SLC22A14: variants seen among roughly 807,000 people sequenced by gnomAD.
SLC22A14 encodes solute carrier family 22 member 14.
In SLC22A14, 50 loss-of-function variants were observed where a neutral mutation model predicts 53.9. The ratio of observed to expected loss-of-function variants is 0.93; its 90% CI spans 0.74 to 1.17. The LOEUF (loss-of-function observed/expected upper bound fraction) is 1.17. Among genes scored for constraint, SLC22A14 ranks in the 50% most tolerant of loss-of-function variants. The probability of loss-of-function intolerance (pLI) is 0.00; values close to 1 mark genes in which losing one functional copy is unlikely to be tolerated. For synonymous variants in SLC22A14, 312 were observed against 303.0 expected, an observed-to-expected ratio of 1.03 and a Z score of -0.31; for missense variants, 671 against 734.7, an observed-to-expected ratio of 0.91 and a Z score of 1.00.
At chr3:38,317,203 G>T (rs1046907200) in intron 10 of SLC22A14, among the ~76,000 whole-genome samples, 1 of 152,330 alleles carries the variant, frequency 6.6e-6, no homozygotes. Context: ...CCTCTGCTCT[G>T]TGCCACAGCA....
At chr3:38,284,378 G>A (rs996391831) in intron 1 of SLC22A14, among the ~76,000 whole-genome samples, 5 of 152,292 alleles carry the variant, frequency 3.3e-5, no homozygotes, top group East Asian at 3.9e-4. Context: ...CTCCAGGGCC[G>A]GCCTAAGAGG....
chr3:38,300,017 C>T (rs930748810), intron 1 of SLC22A14, among the ~76,000 whole-genome samples: 4 of 152,166 alleles, frequency 2.6e-5, no homozygotes, highest in African/African-American at 4.8e-5. Context: ...AGTGTGTCTT[C>T]GGGATAAATT....
chr3:38,280,540 C>A (rs565779553), upstream of SLC22A14, among the ~76,000 whole-genome samples: 4 of 152,002 alleles, frequency 2.6e-5, no homozygotes, highest in African/African-American at 7.2e-5. Flanking sequence ...CAGAATGTTT[C>A]TTTAGCCTAT....
chr3:38,310,798 G>A (rs1704447890), intron 5 of SLC22A14, among the ~76,000 whole-genome samples: 1 of 152,062 alleles, frequency 6.6e-6, no homozygotes, highest in Admixed American at 6.6e-5. Flanking sequence ...CTTTAAGACA[G>A]CAGGGTCCAC....
Position 38,307,653 on chromosome 3 carries a change from G to A in SLC22A14, c.708G>A (p.Leu236=), listed in dbSNP as rs1474152372. 3 of 1,613,844 alleles carry A rather than the reference G, an allele frequency of 1.9e-6. No individual in the cohort carries two copies. Among genetic ancestry groups the A allele is most frequent in the African/African-American group, 1.3e-5 (1 of 74,892 alleles). Residue 236 remains leucine, a synonymous_variant, in exon 4 of 11, where the codon CTG becomes CTA. Coordinates refer to ENST00000448498, the MANE Select transcript of SLC22A14 (RefSeq NM_001320033.2). This position sits in a 1 kb window ranked among gnomAD's most constrained non-coding sequence, Gnocchi z 4.4. The part of the protein sequence containing the change: ...FGTAFMNSFH[L]YLFFRFGISQ... The stretch of plus-strand genomic sequence containing the variant: ...CAGCCTTCATGAACAGCTTTCACCT[G>A]TATTTGTTCTTTCGCTTTGGCATCT...
At position 38,315,697 on chromosome 3, in the gene SLC22A14, C is replaced by G; in HGVS notation, c.1518C>G (p.Leu506=). Residue 506 remains leucine (L), a synonymous_variant, in exon 9 of 11, where the codon CTC becomes CTG. Coordinates refer to ENST00000448498, the MANE Select transcript of SLC22A14 (RefSeq NM_001320033.2). ...TVFFLYTAEL[L]PTVLRATGLG... ...TCTTCCTCTACACCGCTGAGCTCCT[C>G]CCCACTGTGCTCAGGTATGGGGTCT... 1 of 1,613,740 alleles carries G rather than the reference C, an allele frequency of 6.2e-7. No homozygotes were observed. Among genetic ancestry groups the G allele is most frequent in the Non-Finnish European group, 8.5e-7 (1 of 1,179,948 alleles).
chr3:38,290,688 C>G (rs1302517034), intron 1 of SLC22A14, among the ~76,000 whole-genome samples: 4 of 152,208 alleles, frequency 2.6e-5, no homozygotes, highest in Non-Finnish European at 5.9e-5. Flanking sequence ...TCTTCGTTGG[C>G]TAGCCATCCT....
chr3:38,300,855 A>C (rs1413506340), intron 1 of SLC22A14, among the ~76,000 whole-genome samples: 3 of 152,142 alleles, frequency 2.0e-5, no homozygotes, highest in African/African-American at 7.2e-5. Flanking sequence ...CTCTTCTTAA[A>C]TATTTTTTTA....
chr3:38,284,547 G>T (rs1211768743), intron 1 of SLC22A14, among the ~76,000 whole-genome samples: 2 of 152,226 alleles, frequency 1.3e-5, no homozygotes, highest in Admixed American at 6.5e-5. Context: ...CTGGGAATGT[G>T]CAGGGATCTT....
chr3:38,303,178 C>A (rs1310788687), intron 1 of SLC22A14, among the ~76,000 whole-genome samples: 1 of 152,016 alleles, frequency 6.6e-6, no homozygotes, highest in African/African-American at 2.4e-5. Context: ...ATTCAAGGAA[C>A]TAATTTTGAA....
chr3:38,283,442 A>G (rs1703717955), intron 1 of SLC22A14, among the ~76,000 whole-genome samples: 1 of 152,036 alleles, frequency 6.6e-6, no homozygotes, highest in Admixed American at 6.6e-5. Flanking sequence ...CTGCTGAGAT[A>G]AGGGATCCCG....
Position 38,313,396 on chromosome 3 carries a change from G to A in SLC22A14, c.1074G>A (p.Leu358=), listed in dbSNP as rs369257841. The A allele has an allele frequency of 2.3e-5, 37 of 1,612,736 alleles. No homozygotes were observed. Among genetic ancestry groups the A allele is most frequent in the Non-Finnish European group, 2.9e-5 (34 of 1,179,012 alleles). Residue 358 remains leucine (L), a synonymous_variant, in exon 7 of 11, where the codon CTG becomes CTA. Coordinates refer to ENST00000448498, the MANE Select transcript of SLC22A14 (RefSeq NM_001320033.2). ...TCCTGCTTGTTCTGTAGCTGCAGCT[G>A]CCCAGAAAGAAGGTGACTCGGGCCT... ...IPSNLLDELQ[L]PRKKVTRASV... is the part of the protein sequence containing the mutation.
chr3:38,307,897 C>T lies in SLC22A14; in HGVS notation c.775+177C>T, dbSNP rs928632922. On this transcript the variant is annotated intron_variant, in intron 4 of 10. Transcript: ENST00000448498. The surrounding 1 kb of genome is among the most constrained non-coding windows in gnomAD (Gnocchi z 4.4). ...GGCAGCGTGGGCATCTGCTGGGATC[C>T]CACAGGACACAGAGTCAGGGGCCTA... is the stretch of plus-strand genomic sequence containing the variant. The T allele has an allele frequency of 7.6e-6, 5 of 656,084 alleles. No homozygotes were observed. Among genetic ancestry groups the T allele is most frequent in the African/African-American group, 7.3e-5 (4 of 55,024 alleles). 40.6% of individuals were successfully genotyped at this position (656,084 alleles called of 1,614,324 possible).
intron 10 of SLC22A14, 149 bp from the exon 11 acceptor site, chr3:38,318,049 C>A: frequency 1.5e-6 from 1 of 687,864 alleles, no homozygotes. Flanking sequence ...CTGGAGGCTC[C>A]TGGCAAAGCT....
At chr3:38,283,816 C>T (rs560414233) in intron 1 of SLC22A14, among the ~76,000 whole-genome samples, 20 of 152,158 alleles carry the variant, frequency 1.3e-4, no homozygotes, top group African/African-American at 4.8e-4. Flanking sequence ...GGTGACAGAC[C>T]GAGATTCTGT....
chr3:38,300,605 C>T (rs937644592), intron 1 of SLC22A14, among the ~76,000 whole-genome samples: 1 of 152,188 alleles, frequency 6.6e-6, no homozygotes, highest in African/African-American at 2.4e-5. Flanking sequence ...ACTCCCCCAA[C>T]AATGAACTGC....
intron 1 of SLC22A14, among the ~76,000 whole-genome samples, chr3:38,296,898 G>A (rs1028829203): frequency 1.3e-5 from 2 of 152,212 alleles, no homozygotes; most frequent in Non-Finnish European, 2.9e-5. Flanking sequence ...CAGATTCGGA[G>A]GGGTGGAAGT....
chr3:38,307,880 G>C lies in SLC22A14; in HGVS notation c.775+160G>C. 1 of 741,242 alleles carries C rather than the reference G, an allele frequency of 1.3e-6. No homozygotes were observed. Among genetic ancestry groups the C allele is most frequent in the African/African-American group, 1.7e-5 (1 of 57,146 alleles). The allele number at this position is 741,242 out of a possible 1,614,324, so 45.9% of individuals were successfully genotyped here. ...GGGCATGGCGGGGGTGTGGCAGCGT[G>C]GGCATCTGCTGGGATCCCACAGGAC... is the stretch of plus-strand genomic sequence containing the variant. On this transcript the variant is annotated intron_variant, in intron 4 of 10. Transcript: ENST00000448498. The surrounding 1 kb of genome is among the most constrained non-coding windows in gnomAD (Gnocchi z 4.4).
intron 1 of SLC22A14, chr3:38,305,244 T>A (rs1007600222): frequency 6.6e-6 from 1 of 152,190 alleles, no homozygotes; most frequent in Admixed American, 6.5e-5. Flanking sequence ...ACTTGTAGAG[T>A]GGCTTGCCTT....
Sources: gnomAD v4.1 joint callset for allele counts (sites outside exome capture counted in the v4.1 genomes callset) on GRCh38, gnomAD v4.1.1 for gene constraint, Gnocchi (gnomAD v3.1) non-coding constraint, MANE v1.5 for transcripts, NCBI Gene and HGNC (gene_info 2026-07-23, HGNC 2026-07-21) for gene names.